The following SUGCT variants were observed in gnomAD, a reference collection of about 807,000 sequenced individuals.
SUGCT encodes the protein succinyl-CoA:glutarate CoA-transferase.
SUGCT carries 41 observed loss-of-function variants against 55.0 expected under a neutral mutation model. The observed-to-expected ratio is 0.74, with a 90% confidence interval of 0.58 to 0.97. SUGCT has a LOEUF of 0.97. SUGCT is among the 50% of genes least tolerant of loss of function. SUGCT has a pLI of 0.00. For synonymous variants in SUGCT, 187 were observed against 200.4 expected, an observed-to-expected ratio of 0.93 and a Z score of 0.56; for missense variants, 568 against 547.8, an observed-to-expected ratio of 1.04 and a Z score of -0.37.
chr7:40,382,891 C>G (rs1784939841), intron 9 of SUGCT, among the ~76,000 whole-genome samples: 1 of 152,092 alleles, frequency 6.6e-6, no homozygotes, highest in South Asian at 2.1e-4. Flanking sequence ...ACATAGAGAA[C>G]TAATAAAGAT....
At chr7:40,207,532 G>A (rs2329694) in intron 6 of SUGCT, among the ~76,000 whole-genome samples, 138,547 of 152,238 alleles carry the variant, frequency 0.91, 63,236 homozygotes, top group East Asian at 0.99. Flanking sequence ...AATTAAACAC[G>A]GAAGCTGGGC....
chr7:40,901,417 A>C, the SUGCT span, among the ~76,000 whole-genome samples: 1 of 152,164 alleles, frequency 6.6e-6, no homozygotes, highest in African/African-American at 2.4e-5. Flanking sequence ...TATCTATCTC[A>C]CGAGAATAAC....
At chr7:40,830,678 A>C (rs376819715) in intron 13 of SUGCT, among the ~76,000 whole-genome samples, 52 of 152,158 alleles carry the variant, frequency 3.4e-4, no homozygotes, top group African/African-American at 1.2e-3. Context: ...TATAGTAGGC[A>C]CTCAACACAC....
intron 12 of SUGCT, among the ~76,000 whole-genome samples, chr7:40,721,589 C>G (rs1292162079): frequency 6.6e-6 from 1 of 152,234 alleles, no homozygotes; most frequent in Non-Finnish European, 1.5e-5. Context: ...CTACAGCCAA[C>G]TGGCAGCTGG....
chr7:41,020,166 C>G, the SUGCT span, among the ~76,000 whole-genome samples: 1 of 152,142 alleles, frequency 6.6e-6, no homozygotes, highest in Non-Finnish European at 1.5e-5. Context: ...TTTACCAGGT[C>G]CCACAAAATA....
At chr7:40,835,802 A>G (rs990385239) in intron 13 of SUGCT, among the ~76,000 whole-genome samples, 15 of 152,132 alleles carry the variant, frequency 9.9e-5, no homozygotes, top group South Asian at 8.3e-4. Context: ...TCTATCCCCC[A>G]ATTGCCAGAT....
At chr7:40,432,645 C>T (rs916665681) in intron 9 of SUGCT, among the ~76,000 whole-genome samples, 6 of 147,884 alleles carry the variant, frequency 4.1e-5, no homozygotes, top group Admixed American at 1.4e-4. Context: ...AAGATTGTGC[C>T]GCTGCACTCC....
chr7:40,889,714 G>A, the SUGCT span, among the ~76,000 whole-genome samples: 1 of 151,998 alleles, frequency 6.6e-6, no homozygotes, highest in Non-Finnish European at 1.5e-5. Flanking sequence ...TATTAATATA[G>A]GTCAAGTAGT....
chr7:40,244,444 T>C (rs995019182), intron 7 of SUGCT, among the ~76,000 whole-genome samples: 6 of 152,150 alleles, frequency 3.9e-5, no homozygotes, highest in Non-Finnish European at 8.8e-5. Flanking sequence ...GAAGGTTGCT[T>C]TAGGCCTTAC....
At chr7:40,702,093 CT>C (rs1785193888) in intron 12 of SUGCT, among the ~76,000 whole-genome samples, 1 of 152,202 alleles carries the variant, frequency 6.6e-6, no homozygotes, top group Non-Finnish European at 1.5e-5. Flanking sequence ...CAAAGATTAC[CT>C]TCCTAAAATA....
rs886154572 is a variant in SUGCT at position 40,776,133 on chromosome 7, C to G, written c.1153+26636C>G. Among the ~76,000 whole-genome samples, 4 of 152,150 alleles carry G rather than the reference C, an allele frequency of 2.6e-5. No individual in the cohort carries two copies. The East Asian group carries it at 5.8e-4, about 22-fold the overall frequency. On this transcript the variant is annotated intron_variant, in intron 13 of 13. Transcript: ENST00000335693. ...CCGCTGTGAAAGTCAGCCAGGGAAT[C>G]CACGTGTCTGAGAACTAAAACAAGT...
chr7:40,869,080 A>G, the SUGCT span, among the ~76,000 whole-genome samples: 1 of 152,182 alleles, frequency 6.6e-6, no homozygotes, highest in Non-Finnish European at 1.5e-5. Flanking sequence ...TCACTTGGGT[A>G]GGCAGAATTC....
At chr7:40,398,805 A>G (rs1419646220) in intron 9 of SUGCT, among the ~76,000 whole-genome samples, 3 of 152,080 alleles carry the variant, frequency 2.0e-5, no homozygotes, top group African/African-American at 7.2e-5. Flanking sequence ...AGGGGTCTGG[A>G]GGGGATTTGT....
At chr7:40,368,160 A>G (rs1027922247) in intron 9 of SUGCT, among the ~76,000 whole-genome samples, 1 of 152,126 alleles carries the variant, frequency 6.6e-6, no homozygotes, top group Admixed American at 6.6e-5. Flanking sequence ...CAGATCTCAC[A>G]TTATAACATT....
intron 12 of SUGCT, among the ~76,000 whole-genome samples, chr7:40,534,969 T>G (rs1040773016): frequency 5.9e-5 from 9 of 152,234 alleles, no homozygotes; most frequent in Non-Finnish European, 1.3e-4. Flanking sequence ...TTTTTTAATG[T>G]TTTTAGTGTT....
chr7:40,675,906 C>A (rs967684388), intron 12 of SUGCT, among the ~76,000 whole-genome samples: 1 of 152,098 alleles, frequency 6.6e-6, no homozygotes, highest in Non-Finnish European at 1.5e-5. Flanking sequence ...GAAATATGAA[C>A]AAGTATAGAC....
At chr7:40,149,541 C>T (rs536960061) in intron 1 of SUGCT, among the ~76,000 whole-genome samples, 2 of 152,304 alleles carry the variant, frequency 1.3e-5, no homozygotes, top group South Asian at 4.1e-4. Context: ...GTAATCCCAG[C>T]ACTTTGGGAG....
In SUGCT at chr7:40,496,326, A is replaced by G; in HGVS notation, c.1029A>G (p.Glu343=). 6.2e-7 allele frequency: 1 copy of G among 1,613,216 alleles called. No homozygotes were observed. Among genetic ancestry groups the G allele is most frequent in the Non-Finnish European group, 8.5e-7 (1 of 1,179,484 alleles). Residue 343 remains glutamate, a synonymous_variant, in exon 12 of 14, where the codon GAA becomes GAG. Coordinates refer to ENST00000335693, the MANE Select transcript of SUGCT (RefSeq NM_001193313.2). ...CCAGCAAGTGGTTATATCTTTTTGA[A>G]GGCAGTGGAGTCCCGTATGGCCCAA... ...ELTSKWLYLF[E]GSGVPYGPIN... is the part of the protein sequence containing the mutation.
At chr7:40,707,255 G>A (rs1352855503) in intron 12 of SUGCT, among the ~76,000 whole-genome samples, 3 of 142,616 alleles carry the variant, frequency 2.1e-5, no homozygotes, top group African/African-American at 7.8e-5. Context: ...TTTTTAAAAA[G>A]GCAGAACTGT....
Sources: allele counts gnomAD v4.1 joint callset (sites outside exome capture counted in the v4.1 genomes callset), GRCh38; gene constraint gnomAD v4.1.1; transcripts MANE v1.5; gene names NCBI Gene and HGNC (gene_info 2026-07-23, HGNC 2026-07-21).